The following ENTPD1 variants were observed in gnomAD, a reference collection of about 807,000 sequenced individuals.
ENTPD1 encodes ATP diphosphohydrolase.
A neutral mutation model predicts 57.0 loss-of-function variants in ENTPD1; 33 were observed. The observed-to-expected ratio is 0.58, with a 90% confidence interval of 0.44 to 0.77. The LOEUF (loss-of-function observed/expected upper bound fraction) is 0.77. Ranked by LOEUF, ENTPD1 falls within the 30% of genes least tolerant of loss-of-function variation. ENTPD1 has a pLI of 0.00. For synonymous variants in ENTPD1, 202 were observed against 218.8 expected (o/e 0.92, Z 0.68); for missense variants, 501 against 603.4 (o/e 0.83, Z 1.78).
chr10:95,725,170 T>C (rs890514801), intron 1 of ENTPD1, among the ~76,000 whole-genome samples: 2 of 152,354 alleles, frequency 1.3e-5, no homozygotes, highest in East Asian at 1.9e-4. Flanking sequence ...ATATCACTTA[T>C]TTTGCTTTTC....
chr10:95,788,414 C>G (rs1179873909), intron 1 of ENTPD1, among the ~76,000 whole-genome samples: 1 of 151,928 alleles, frequency 6.6e-6, no homozygotes, highest in East Asian at 1.9e-4. Context: ...GTCAGGAGTT[C>G]GAGACCAGCC....
chr10:95,780,379 T>C (rs1225782677), intron 1 of ENTPD1, among the ~76,000 whole-genome samples: 2 of 152,238 alleles, frequency 1.3e-5, no homozygotes, highest in East Asian at 3.8e-4. Flanking sequence ...TAGGCAACTA[T>C]GATTCAAATC....
At chr10:95,742,894 T>A (rs1202413723) in intron 1 of ENTPD1, among the ~76,000 whole-genome samples, 1 of 152,228 alleles carries the variant, frequency 6.6e-6, no homozygotes, top group Non-Finnish European at 1.5e-5. Flanking sequence ...TACAGAAAAG[T>A]TATGAAGATA....
chr10:95,717,284 C>T (rs1181220356), intron 1 of ENTPD1, among the ~76,000 whole-genome samples: 1 of 149,606 alleles, frequency 6.7e-6, no homozygotes, highest in Non-Finnish European at 1.5e-5. Flanking sequence ...AGATGTGGTT[C>T]TCTTTGTGTT....
chr10:95,860,446 A>G, intron 7 of ENTPD1, 23 bp from the exon 8 acceptor site: 1 of 1,600,932 alleles, frequency 6.2e-7, no homozygotes, highest in Non-Finnish European at 8.5e-7. Flanking sequence ...AACACAGCCT[A>G]AAACTGCGAT....
rs141036599 is a variant in ENTPD1 at position 95,779,142 on chromosome 10, A to T, written c.16+22887A>T. On this transcript the variant is annotated intron_variant, in intron 1 of 9. Transcript: ENST00000371205. ...CTTTGTTAGAATTTTTTCCAAGTTG[A>T]ATTAAAGTCTTTCTCCTTCCCTTTA... Among the ~76,000 whole-genome samples the T allele has an allele frequency of 3.3e-5, 5 of 152,258 alleles. No homozygotes were observed. In the East Asian group the frequency reaches 9.6e-4, roughly 29 times the overall value.
rs1406017154 is a variant in ENTPD1 at position 95,871,028 on chromosome 10, AG to A, written c.*4646del. ...AACCCCGCAGAGGCTCGTGAAAGTG[AG>A]AGGAAACTAGGATGCCTCTTAAGGT... On this transcript the variant is annotated 3_prime_UTR_variant, in exon 10 of 10. Coordinates refer to ENST00000371205, the MANE Select transcript of ENTPD1 (RefSeq NM_001776.6). The A allele has an allele frequency of 1.0e-5, 10 of 985,270 alleles. No homozygotes were observed. The Admixed American group carries it at 4.9e-4, about 48-fold the overall frequency. The allele number at this position is 985,270 out of a possible 1,614,324, so 61.0% of individuals were successfully genotyped here. A position where few individuals can be genotyped will look rare whatever the true frequency, so the allele number is the denominator to read the frequency against.
intron 1 of ENTPD1, among the ~76,000 whole-genome samples, chr10:95,810,162 C>T (rs1447140925): frequency 4.1e-5 from 6 of 147,288 alleles, no homozygotes; most frequent in Non-Finnish European, 9.0e-5. Flanking sequence ...AGAGGCGCTC[C>T]TCACCTCCCG....
At chr10:95,697,256 T>G in the ENTPD1 span, among the ~76,000 whole-genome samples, 9 of 151,230 alleles carry the variant, frequency 6.0e-5, no homozygotes, top group Non-Finnish European at 1.3e-4. Flanking sequence ...TATCCCTACT[T>G]GTGCTTGCGG....
intron 1 of ENTPD1, among the ~76,000 whole-genome samples, chr10:95,739,850 G>C (rs140377841): frequency 6.6e-6 from 1 of 152,300 alleles, no homozygotes; most frequent in African/African-American, 2.4e-5. Context: ...TATTTCTTAA[G>C]TAATAAGACT....
chr10:95,710,234 GTC>G (rs2097964438), upstream of ENTPD1, among the ~76,000 whole-genome samples: 1 of 151,956 alleles, frequency 6.6e-6, no homozygotes, highest in Non-Finnish European at 1.5e-5. Context: ...GTGAAACCCT[GTC>G]TCTACTAAAA....
Position 95,736,001 on chromosome 10 carries a change from G to GTTT in ENTPD1, c.37+24023_37+24025dup, listed in dbSNP as rs35402062. On this transcript the variant is annotated intron_variant, in intron 1 of 9. Transcript: ENST00000453258. ...TGGTCTATTTTAGAACATTTTCAAA[G>GTTT]TTTTTTTTTTTTTTTTTGAGACAGA... is the stretch of plus-strand genomic sequence containing the variant. Among the ~76,000 whole-genome samples the GTTT allele has an allele frequency of 1.9e-3, 257 of 134,304 alleles. 9 individuals are homozygous for GTTT. Among genetic ancestry groups the GTTT allele is most frequent in the Admixed American group, 2.9e-3 (38 of 13,062 alleles). The allele number at this position is 134,304 out of a possible 152,430, so 88.1% of individuals were successfully genotyped here.
intron 1 of ENTPD1, among the ~76,000 whole-genome samples, chr10:95,758,465 G>A (rs1365838229): frequency 3.3e-5 from 5 of 152,148 alleles, no homozygotes; most frequent in Non-Finnish European, 5.9e-5. Context: ...CATATTGGGT[G>A]TTATTCCCCT....
intron 1 of ENTPD1, among the ~76,000 whole-genome samples, chr10:95,779,081 C>T (rs571861925): frequency 6.6e-6 from 1 of 152,306 alleles, no homozygotes; most frequent in South Asian, 2.1e-4. Context: ...CTCACCACCT[C>T]CCTAACCCCA....
chr10:95,748,622 A>C (rs1189929301), intron 1 of ENTPD1, among the ~76,000 whole-genome samples: 1 of 152,202 alleles, frequency 6.6e-6, no homozygotes, highest in African/African-American at 2.4e-5. Context: ...CCACAATACT[A>C]CTATCATACC....
chr10:95,873,415 C>T lies in ENTPD1; in HGVS notation c.*7032C>T. 2.0e-6 allele frequency: 2 copies of T among 985,536 alleles called. No individual in the cohort carries two copies. The highest frequency in any genetic ancestry group is 9.4e-5 in the South Asian group (2 of 21,290). The allele number at this position is 985,536 out of a possible 1,614,324, so 61.0% of individuals were successfully genotyped here. A position where few individuals can be genotyped will look rare whatever the true frequency, so the allele number is the denominator to read the frequency against. ...TGCCCTCTGCCTTTGGAGACCAGCACCTCATACTCAGTGAAGGCCTGGAGT... is the reference window on the plus strand; with the variant it reads ...TGCCCTCTGCCTTTGGAGACCAGCATCTCATACTCAGTGAAGGCCTGGAGT... On this transcript the variant is annotated 3_prime_UTR_variant, in exon 10 of 10. Transcript: ENST00000371205.
intron 1 of ENTPD1, among the ~76,000 whole-genome samples, chr10:95,803,976 T>C (rs1434740521): frequency 6.6e-6 from 1 of 152,244 alleles, no homozygotes; most frequent in African/African-American, 2.4e-5. Flanking sequence ...TCCTCATTTC[T>C]TGTTTTTGTC....
chr10:95,787,965 T>G (rs2098187221), intron 1 of ENTPD1, among the ~76,000 whole-genome samples: 1 of 152,208 alleles, frequency 6.6e-6, no homozygotes. Context: ...ACTGTAACTT[T>G]ACCTATATAT....
In ENTPD1 at chr10:95,845,403, A is replaced by G. The variant is rs768533328; in HGVS notation, c.620A>G (p.Glu207Gly). 7 of 1,614,108 alleles carry G rather than the reference A, an allele frequency of 4.3e-6. No individual in the cohort carries two copies. Among genetic ancestry groups the G allele is most frequent in the Non-Finnish European group, 5.9e-6 (7 of 1,180,052 alleles). Residue 207 changes from glutamate to glycine, a missense_variant, in exon 6 of 10, where the codon GAA becomes GGA. Coordinates refer to ENST00000371205, the MANE Select transcript of ENTPD1 (RefSeq NM_001776.6). ...SIVPYETNNQETFGALDLGGA... is the reference protein window; with the variant it reads ...SIVPYETNNQGTFGALDLGGA... ...GTCCCATATGAAACCAATAATCAGG[A>G]AACCTTTGGAGCTTTGGACCTTGGG...
Sources: allele counts gnomAD v4.1 joint callset (sites outside exome capture counted in the v4.1 genomes callset), GRCh38; gene constraint gnomAD v4.1.1; transcripts MANE v1.5; gene names NCBI Gene and HGNC (gene_info 2026-07-23, HGNC 2026-07-21).